KCNIP4: variants seen among roughly 807,000 people sequenced by gnomAD.
KCNIP4 encodes potassium voltage-gated channel interacting protein 4.
A neutral mutation model predicts 34.0 loss-of-function variants in KCNIP4; 12 were observed. The observed-to-expected ratio is 0.35, with a 90% CI of 0.23 to 0.57. KCNIP4 has a LOEUF of 0.57. Among genes scored for constraint, KCNIP4 ranks in the 20% least tolerant of loss-of-function variants. KCNIP4 has a pLI of 0.83. For synonymous variants in KCNIP4, 124 were observed against 102.2 expected (o/e 1.21, Z -1.29); for missense variants, 238 against 311.7 (o/e 0.76, Z 1.78).
At chr4:21,601,057 C>T (rs1743094983) in intron 1 of KCNIP4, among the ~76,000 whole-genome samples, 1 of 151,614 alleles carries the variant, frequency 6.6e-6, no homozygotes. Context: ...TCCTAGATCC[C>T]TTTATGCTTA....
intron 5 of KCNIP4, among the ~76,000 whole-genome samples, chr4:20,736,372 TTC>T (rs2149281797): frequency 6.6e-6 from 1 of 152,326 alleles, no homozygotes; most frequent in African/African-American, 2.4e-5. Flanking sequence ...ATTTTAATAT[TTC>T]TGTTGCTGTT....
intron 1 of KCNIP4, among the ~76,000 whole-genome samples, chr4:21,241,258 T>C (rs1759791539): frequency 6.6e-6 from 1 of 152,304 alleles, no homozygotes; most frequent in African/African-American, 2.4e-5. Context: ...TAGTGGTCAA[T>C]TGGGTAACTT....
intron 1 of KCNIP4, among the ~76,000 whole-genome samples, chr4:21,807,705 T>G (rs1435755224): frequency 6.6e-6 from 1 of 152,160 alleles, no homozygotes; most frequent in Non-Finnish European, 1.5e-5. Flanking sequence ...GGAATTAAAA[T>G]TCTCTATTAC....
chr4:20,810,715 C>T (rs1193425077), intron 3 of KCNIP4, among the ~76,000 whole-genome samples: 1 of 151,612 alleles, frequency 6.6e-6, no homozygotes, highest in Non-Finnish European at 1.5e-5. Flanking sequence ...TGGGAGAAAA[C>T]CAGCCATGAG....
intron 1 of KCNIP4, among the ~76,000 whole-genome samples, chr4:21,435,600 G>T (rs1726878444): frequency 6.6e-6 from 1 of 152,086 alleles, no homozygotes; most frequent in Admixed American, 6.5e-5. Context: ...ACGGATTCTT[G>T]GTGTCTGAAT....
At chr4:20,982,724 C>G (rs1736185244) in intron 1 of KCNIP4, among the ~76,000 whole-genome samples, 1 of 152,170 alleles carries the variant, frequency 6.6e-6, no homozygotes, top group Non-Finnish European at 1.5e-5. Context: ...GAGAAACAAC[C>G]TGTATACCGG....
chr4:21,667,481 G>A (rs1749076459), intron 1 of KCNIP4, among the ~76,000 whole-genome samples: 2 of 152,214 alleles, frequency 1.3e-5, no homozygotes, highest in South Asian at 4.1e-4. Flanking sequence ...GCCAGGAATA[G>A]AAAGCTATAA....
chr4:21,922,969 T>C (rs544510735), intron 1 of KCNIP4, among the ~76,000 whole-genome samples: 2 of 152,300 alleles, frequency 1.3e-5, no homozygotes, highest in African/African-American at 4.8e-5. Context: ...GGACACTGCT[T>C]CCAAGTATCT....
At chr4:20,994,969 T>C (rs1199953123) in intron 1 of KCNIP4, among the ~76,000 whole-genome samples, 7 of 152,206 alleles carry the variant, frequency 4.6e-5, no homozygotes, top group African/African-American at 1.7e-4. Flanking sequence ...TGCCTTTAAA[T>C]GTGCTTGCAT....
Position 21,569,297 on chromosome 4 carries a change from G to T in KCNIP4, c.61+379274C>A, listed in dbSNP as rs182052415. Among the ~76,000 whole-genome samples, 66 of 110,396 alleles carry T rather than the reference G, an allele frequency of 6.0e-4. No individual in the cohort carries two copies. The East Asian group carries it at 0.012, about 20-fold the overall frequency. 72.4% of individuals were successfully genotyped at this position (110,396 alleles called of 152,430 possible). A position where few individuals can be genotyped will look rare whatever the true frequency, so the allele number is the denominator to read the frequency against. ...TTGACAAGTAAACCCAGATTTTGTTGAATATTTCAACATAATAACACTTGA... is the reference window on the plus strand; with the variant it reads ...TTGACAAGTAAACCCAGATTTTGTTTAATATTTCAACATAATAACACTTGA... On this transcript the variant is annotated intron_variant, in intron 1 of 8. Transcript: ENST00000382152.
rs137872471 is a variant in KCNIP4 at position 21,519,343 on chromosome 4, T to TACAC, written c.61+429224_61+429227dup. 9.5e-3 allele frequency among the ~76,000 whole-genome samples: 1,090 copies of TACAC among 115,188 alleles called. 16 individuals carry two copies. The highest frequency in any genetic ancestry group is 0.036 in the South Asian group (133 of 3,728). The allele number at this position is 115,188 out of a possible 152,430, so 75.6% of individuals were successfully genotyped here. On this transcript the variant is annotated intron_variant, in intron 1 of 8. Coordinates refer to ENST00000382152, the MANE Select transcript of KCNIP4 (RefSeq NM_025221.6). ...ACAGAAATAATAGGAGAGAGAGAGA[T>TACAC]ACACACACACACACACACACACACA...
chr4:21,118,391 C>A (rs1725536726), intron 1 of KCNIP4, among the ~76,000 whole-genome samples: 1 of 152,160 alleles, frequency 6.6e-6, no homozygotes, highest in South Asian at 2.1e-4. Flanking sequence ...ATTAATTATG[C>A]TCCCCAAAGC....
chr4:21,515,981 T>A (rs1408178047), intron 1 of KCNIP4, among the ~76,000 whole-genome samples: 4 of 152,084 alleles, frequency 2.6e-5, no homozygotes, highest in Non-Finnish European at 5.9e-5. Context: ...GGTCTGTCTC[T>A]TGTGTTCACC....
intron 1 of KCNIP4, among the ~76,000 whole-genome samples, chr4:21,372,391 T>TAGAC (rs1233978425): frequency 6.8e-6 from 1 of 146,622 alleles, no homozygotes; most frequent in Non-Finnish European, 1.5e-5. Flanking sequence ...GATAGATAGA[T>TAGAC]AGTTAGATAG....
At position 21,556,920 on chromosome 4, in the gene KCNIP4, C is replaced by CAAAAAAAAAAA. The variant is rs1281543089; in HGVS notation, c.61+391650_61+391651insTTTTTTTTTTT. On this transcript the variant is annotated intron_variant, in intron 1 of 8. Transcript: ENST00000382152. ...TGATCAACAAAGCAAGACTCCATCT[C>CAAAAAAAAAAA]AGAAAAAAAAAAAAAAAAAAAAACC... Among the ~76,000 whole-genome samples the CAAAAAAAAAAA allele has an allele frequency of 9.0e-3, 320 of 35,488 alleles. 19 individuals carry two copies. Among genetic ancestry groups the CAAAAAAAAAAA allele is most frequent in the East Asian group, 0.063 (49 of 776 alleles). 23.3% of individuals were successfully genotyped at this position (35,488 alleles called of 152,430 possible).
intron 1 of KCNIP4, among the ~76,000 whole-genome samples, chr4:20,898,406 A>G (rs181339166): frequency 9.3e-4 from 142 of 152,286 alleles, no homozygotes; most frequent in African/African-American, 3.3e-3. Flanking sequence ...CACATGACTT[A>G]TTGTCCAACC....
intron 1 of KCNIP4, among the ~76,000 whole-genome samples, chr4:21,454,022 G>A (rs1728725256): frequency 6.6e-6 from 1 of 152,048 alleles, no homozygotes; most frequent in South Asian, 2.1e-4. Context: ...AATGCATGGA[G>A]CCTAATGAAC....
intron 1 of KCNIP4, among the ~76,000 whole-genome samples, chr4:21,000,877 C>T (rs1045698832): frequency 6.6e-6 from 1 of 152,170 alleles, no homozygotes; most frequent in Non-Finnish European, 1.5e-5. Flanking sequence ...CTTCCTAGAC[C>T]TTAGTAAGTA....
chr4:21,948,642 G>T lies in KCNIP4; in HGVS notation c.-11C>A. 1 of 1,610,928 alleles carries T rather than the reference G, an allele frequency of 6.2e-7. No individual in the cohort carries two copies. The highest frequency in any genetic ancestry group is 1.1e-5 in the South Asian group (1 of 90,228). ...CCTCCTCACATTCATGTCTAGGGAC[G>T]CAGGGTGCAGAAGCGAGACTCGAGA... On this transcript the variant is annotated 5_prime_UTR_variant, in exon 1 of 9. Transcript: ENST00000382152.
Sources: allele counts gnomAD v4.1 joint callset (sites outside exome capture counted in the v4.1 genomes callset), GRCh38; gene constraint gnomAD v4.1.1; transcripts MANE v1.5; gene names NCBI Gene and HGNC (gene_info 2026-07-23, HGNC 2026-07-21).